PHACTR3: variants seen among roughly 807,000 people sequenced by gnomAD.
The protein encoded by PHACTR3 is protein phosphatase 1, regulatory subunit 123.
In PHACTR3, 16 loss-of-function variants were observed where a neutral mutation model predicts 66.8. That is an observed-to-expected ratio of 0.24 (90% confidence interval 0.16 to 0.36). The LOEUF (loss-of-function observed/expected upper bound fraction) is 0.36, where lower values mean the gene tolerates loss of function less well. Ranked by LOEUF, PHACTR3 falls within the 10% of genes least tolerant of loss-of-function variation. The probability of loss-of-function intolerance (pLI) is 1.00; values close to 1 mark genes in which losing one functional copy is unlikely to be tolerated. For synonymous variants in PHACTR3, 323 were observed against 292.1 expected (o/e 1.11, Z -1.08); for missense variants, 647 against 719.9 (o/e 0.90, Z 1.16).
Position 59,774,252 on chromosome 20 carries a change from A to G in PHACTR3, c.936A>G (p.Gly312=), listed in dbSNP as rs1215534213. The G allele has an allele frequency of 1.3e-6, 2 of 1,585,932 alleles. No individual in the cohort carries two copies. The highest frequency in any genetic ancestry group is 2.7e-5 in the African/African-American group (2 of 73,302). The part of the protein sequence containing the change: ...ATKHRQDSFQ[G]RESKGSPKKR... ...CATCTTTCTGGTTTAGTTTTCAAGG[A>G]AGAGAAAGTAAAGGGTCTCCAAAGA... Residue 312 remains glycine (G), a synonymous_variant, in exon 7 of 13, where the codon GGA becomes GGG. Coordinates refer to ENST00000371015, the MANE Select transcript of PHACTR3 (RefSeq NM_080672.5).
rs2042343599 is a variant in PHACTR3 at position 59,830,764 on chromosome 20, C to T, written c.1329-5741C>T. ...CCTGTGGGTTTTGTTGGCAGGTGTTCACCTGGGGAATCAGAGGCTCAAGTA... is the reference window on the plus strand; with the variant it reads ...CCTGTGGGTTTTGTTGGCAGGTGTTTACCTGGGGAATCAGAGGCTCAAGTA... On this transcript the variant is annotated intron_variant, in intron 8 of 12. Coordinates refer to ENST00000371015, the MANE Select transcript of PHACTR3 (RefSeq NM_080672.5). This position sits in a 1 kb window ranked among gnomAD's most constrained non-coding sequence, Gnocchi z 5.8. Among the ~76,000 whole-genome samples the T allele has an allele frequency of 1.3e-5, 2 of 152,286 alleles. No homozygotes were observed. Among genetic ancestry groups the T allele is most frequent in the South Asian group, 4.1e-4 (2 of 4,832 alleles).
At chr20:59,598,582 A>C (rs1240806418) in intron 1 of PHACTR3, among the ~76,000 whole-genome samples, 1 of 152,198 alleles carries the variant, frequency 6.6e-6, no homozygotes, top group East Asian at 1.9e-4. Flanking sequence ...TTCAGGGCAG[A>C]GGCCATGAAT....
chr20:59,711,357 G>A (rs946549485), intron 1 of PHACTR3, among the ~76,000 whole-genome samples: 7 of 152,062 alleles, frequency 4.6e-5, no homozygotes, highest in Admixed American at 2.6e-4. Context: ...ATTGCCAAAC[G>A]TTTTCTCAGA....
At chr20:59,582,263 G>A (rs955645316) in intron 1 of PHACTR3, among the ~76,000 whole-genome samples, 3 of 152,202 alleles carry the variant, frequency 2.0e-5, no homozygotes, top group Non-Finnish European at 4.4e-5. Flanking sequence ...TCACTCTGCA[G>A]TGTATCTTGG....
intron 1 of PHACTR3, among the ~76,000 whole-genome samples, chr20:59,667,664 T>C (rs1332701095): frequency 2.6e-5 from 4 of 152,198 alleles, no homozygotes; most frequent in Admixed American, 1.3e-4. Context: ...AGATTTTCCT[T>C]CCAGGCCAGC....
intron 1 of PHACTR3, among the ~76,000 whole-genome samples, chr20:59,656,543 G>A (rs1160088575): frequency 6.6e-6 from 1 of 151,824 alleles, no homozygotes; most frequent in Non-Finnish European, 1.5e-5. Flanking sequence ...AATCTAAAGT[G>A]TTTTCTCTTG....
intron 1 of PHACTR3, among the ~76,000 whole-genome samples, chr20:59,734,432 C>T (rs917806905): frequency 1.3e-5 from 2 of 151,626 alleles, no homozygotes; most frequent in Admixed American, 6.6e-5. Flanking sequence ...TTTTTTCCTT[C>T]GTTTTTGTAG....
chr20:59,632,311 C>T lies in PHACTR3; in HGVS notation c.118+27179C>T, dbSNP rs561750958. ...GGTGCACCTCCTCCGTCTCTGTCCA[C>T]GTGGAATTGACCATCATCCTGCACA... On this transcript the variant is annotated intron_variant, in intron 1 of 12. Coordinates refer to ENST00000371015, the MANE Select transcript of PHACTR3 (RefSeq NM_080672.5). 7.2e-5 allele frequency among the ~76,000 whole-genome samples: 11 copies of T among 152,282 alleles called. No individual in the cohort carries two copies. In the South Asian group the frequency reaches 1.9e-3, roughly 26 times the overall value.
intron 1 of PHACTR3, among the ~76,000 whole-genome samples, chr20:59,590,565 G>A (rs2033153340): frequency 6.6e-6 from 1 of 152,170 alleles, no homozygotes; most frequent in Non-Finnish European, 1.5e-5. Context: ...CTAAAGCCTG[G>A]TGGTTAAGAA....
At chr20:59,586,134 G>A (rs993484165) in intron 1 of PHACTR3, among the ~76,000 whole-genome samples, 3 of 152,184 alleles carry the variant, frequency 2.0e-5, no homozygotes, top group Non-Finnish European at 2.9e-5. Flanking sequence ...CCCTCCAGGT[G>A]GCCTGCCCTG....
At position 59,746,743 on chromosome 20, in the gene PHACTR3, A is replaced by G. The variant is rs553579889; in HGVS notation, c.281-1015A>G. On this transcript the variant is annotated intron_variant, in intron 2 of 12. Coordinates refer to ENST00000371015, the MANE Select transcript of PHACTR3 (RefSeq NM_080672.5). ...GGCCCCCTGCACACACAGAACACTG[A>G]TGGACTCTCTGTGATCCAGGGTTAA... 2.3e-4 allele frequency among the ~76,000 whole-genome samples: 35 copies of G among 152,338 alleles called. 1 individual carries two copies. The highest frequency in any genetic ancestry group is 7.5e-4 in the African/African-American group (31 of 41,584).
At chr20:59,716,471 T>G (rs1230942531) in intron 1 of PHACTR3, among the ~76,000 whole-genome samples, 1 of 152,104 alleles carries the variant, frequency 6.6e-6, no homozygotes, top group Non-Finnish European at 1.5e-5. Flanking sequence ...CAGGCTGGTC[T>G]TGAACTCCCA....
At chr20:59,834,089 G>T (rs183323337) in intron 8 of PHACTR3, among the ~76,000 whole-genome samples, 1 of 152,260 alleles carries the variant, frequency 6.6e-6, no homozygotes, top group African/African-American at 2.4e-5. Flanking sequence ...TACTTCCCAA[G>T]ATCCCATTCC....
At chr20:59,616,968 C>T (rs370305855) in intron 1 of PHACTR3, among the ~76,000 whole-genome samples, 44 of 152,178 alleles carry the variant, frequency 2.9e-4, no homozygotes, top group East Asian at 1.7e-3. Flanking sequence ...CTCGCTTCCC[C>T]GTTGGGAGTC....
intron 4 of PHACTR3, among the ~76,000 whole-genome samples, chr20:59,755,644 C>T (rs762385994): frequency 6.6e-6 from 1 of 152,114 alleles, no homozygotes; most frequent in Non-Finnish European, 1.5e-5. Context: ...CCTCCCAGGG[C>T]GTCTTTGTGT....
chr20:59,818,674 C>T (rs1466132741), intron 8 of PHACTR3, among the ~76,000 whole-genome samples: 42 of 152,230 alleles, frequency 2.8e-4, no homozygotes, highest in Non-Finnish European at 1.8e-4. Flanking sequence ...GAAGGGGAAA[C>T]TGCATGGGAA....
At chr20:59,824,962 C>T (rs1199785104) in intron 8 of PHACTR3, among the ~76,000 whole-genome samples, 2 of 152,234 alleles carry the variant, frequency 1.3e-5, no homozygotes, top group African/African-American at 4.8e-5. Context: ...TGCCCCACAA[C>T]AGCAGCCCAG....
intron 7 of PHACTR3, among the ~76,000 whole-genome samples, chr20:59,786,019 C>T (rs1202686524): frequency 1.3e-5 from 2 of 152,218 alleles, no homozygotes; most frequent in Admixed American, 1.3e-4. Flanking sequence ...GAGTCGTAAA[C>T]ACTGTTTGGA....
chr20:59,773,534 G>A (rs11696781), intron 6 of PHACTR3, 81 bp downstream of exon 6: 245,513 of 1,399,362 alleles, frequency 0.18, 22,413 homozygotes, highest in East Asian at 0.28. Context: ...CTCATGCCAC[G>A]CCCAGGGCCT....
Sources: gnomAD v4.1 joint callset for allele counts (sites outside exome capture counted in the v4.1 genomes callset) on GRCh38, gnomAD v4.1.1 for gene constraint, Gnocchi (gnomAD v3.1) non-coding constraint, MANE v1.5 for transcripts, NCBI Gene and HGNC (gene_info 2026-07-23, HGNC 2026-07-21) for gene names.